Variants in PALLD observed in about 807,000 individuals in gnomAD.
The protein encoded by PALLD is palladin, cytoskeletal associated protein, also known as palladin.
PALLD carries 61 observed loss-of-function variants against 123.5 expected under a neutral mutation model. The observed-to-expected ratio is 0.49, with a 90% CI of 0.40 to 0.61. The LOEUF is 0.61. Ranked by LOEUF, PALLD falls within the 20% of genes least tolerant of loss-of-function variation. PALLD has a pLI of 0.00. For synonymous variants in PALLD, 465 were observed against 496.4 expected (o/e 0.94, Z 0.84); for missense variants, 1,273 against 1,377.0 (o/e 0.92, Z 1.20).
intron 3 of PALLD, among the ~76,000 whole-genome samples, chr4:168,676,129 A>G (rs1053532305): frequency 2.0e-5 from 3 of 152,082 alleles, no homozygotes; most frequent in Non-Finnish European, 2.9e-5. Context: ...TATCTTTCCA[A>G]TTTTTTCCTA....
At chr4:168,754,192 T>G (rs977354566) in intron 10 of PALLD, among the ~76,000 whole-genome samples, 1 of 152,234 alleles carries the variant, frequency 6.6e-6, no homozygotes, top group African/African-American at 2.4e-5. Flanking sequence ...ACAAAACCTA[T>G]AAGAAATCAC....
rs191253665 is a variant in PALLD at position 168,565,276 on chromosome 4, A to C, written c.908+52864A>C. 2.6e-5 allele frequency among the ~76,000 whole-genome samples: 4 copies of C among 152,170 alleles called. No homozygotes were observed. The East Asian group carries it at 7.7e-4, about 29-fold the overall frequency. ...ACTTACATTCATTAAACAAATATTC[A>C]TTGAATGTTTATTATAGGCTAGATG... On this transcript the variant is annotated intron_variant, in intron 2 of 21. Transcript: ENST00000505667.
intron 10 of PALLD, among the ~76,000 whole-genome samples, chr4:168,791,326 C>T (rs543868358): frequency 3.8e-4 from 58 of 152,320 alleles, no homozygotes; most frequent in African/African-American, 1.1e-3. Flanking sequence ...CCCTGTATTA[C>T]TCTGTTTTCA....
chr4:168,657,953 T>A (rs1431350352), intron 2 of PALLD, among the ~76,000 whole-genome samples: 4 of 152,092 alleles, frequency 2.6e-5, no homozygotes, highest in African/African-American at 9.7e-5. Flanking sequence ...CGGGAGCCCC[T>A]CTGTCTCAAA....
intron 2 of PALLD, among the ~76,000 whole-genome samples, chr4:168,559,611 C>T (rs1767656872): frequency 1.3e-5 from 2 of 152,110 alleles, no homozygotes; most frequent in African/African-American, 4.8e-5. Context: ...GAAAGCAATA[C>T]ATAGGCTGGG....
chr4:168,916,915 C>T (rs1460303457), intron 17 of PALLD, among the ~76,000 whole-genome samples: 3 of 151,956 alleles, frequency 2.0e-5, no homozygotes, highest in Admixed American at 2.0e-4. Flanking sequence ...ATGATCCGCC[C>T]ACCTCAGCCT....
intron 10 of PALLD, among the ~76,000 whole-genome samples, chr4:168,713,284 C>A (rs907609969): frequency 7.2e-5 from 11 of 152,110 alleles, no homozygotes; most frequent in African/African-American, 2.7e-4. Context: ...AAAATGGTGT[C>A]CTTAAAAGAG....
chr4:168,868,786 C>T (rs1024640927), intron 10 of PALLD, among the ~76,000 whole-genome samples: 3 of 152,144 alleles, frequency 2.0e-5, no homozygotes, highest in African/African-American at 7.2e-5. Context: ...ACTTTGTTAT[C>T]TCAGGATACA....
chr4:168,835,629 T>A (rs1333580770), intron 10 of PALLD, among the ~76,000 whole-genome samples: 3 of 134,004 alleles, frequency 2.2e-5, no homozygotes, highest in Admixed American at 7.3e-5. Context: ...AGCTCTGTTA[T>A]CAAATTTTAA....
intron 10 of PALLD, among the ~76,000 whole-genome samples, chr4:168,725,317 A>C (rs1192390603): frequency 6.6e-6 from 1 of 152,216 alleles, no homozygotes; most frequent in Admixed American, 6.5e-5. Flanking sequence ...AATTGCCATT[A>C]AATGAGTAAG....
intron 5 of PALLD, among the ~76,000 whole-genome samples, chr4:168,683,703 T>C (rs1461820326): frequency 6.6e-6 from 1 of 152,116 alleles, no homozygotes; most frequent in Non-Finnish European, 1.5e-5. Context: ...AACCATTACA[T>C]CTGGATGTCT....
At chr4:168,920,337 A>G (rs2126451635) in intron 17 of PALLD, among the ~76,000 whole-genome samples, 1 of 152,328 alleles carries the variant, frequency 6.6e-6, no homozygotes, top group African/African-American at 2.4e-5. Context: ...GCCCTTTGCT[A>G]CATGTGTGGT....
At chr4:168,682,196 AAAAAT>A (rs1781614779) in intron 4 of PALLD, among the ~76,000 whole-genome samples, 1 of 152,236 alleles carries the variant, frequency 6.6e-6, no homozygotes, top group South Asian at 2.1e-4. Context: ...ATTATTTGGC[AAAAAT>A]AAAATCTACC....
chr4:168,670,662 A>G (rs1278521792), intron 3 of PALLD, among the ~76,000 whole-genome samples: 3 of 148,772 alleles, frequency 2.0e-5, no homozygotes, highest in African/African-American at 5.0e-5. Flanking sequence ...GAACCCGGGA[A>G]GCGGAGCTTG....
rs905769603 is a variant in PALLD, at chr4:168,600,032, T to C, written c.909-68158T>C. ...ATACATACATGTGTGTACACACACA[T>C]ACATACATGTGTATACACACATATA... On this transcript the variant is annotated intron_variant, in intron 2 of 21. Transcript: ENST00000505667. Among the ~76,000 whole-genome samples the C allele has an allele frequency of 8.1e-5, 10 of 123,672 alleles. No individual in the cohort carries two copies. The East Asian group carries it at 8.6e-4, about 11-fold the overall frequency. 81.1% of individuals were successfully genotyped at this position (123,672 alleles called of 152,430 possible).
At chr4:168,611,372 GA>G (rs1177715495) in intron 2 of PALLD, among the ~76,000 whole-genome samples, 1 of 152,130 alleles carries the variant, frequency 6.6e-6, no homozygotes, top group Non-Finnish European at 1.5e-5. Flanking sequence ...GAACTGAATC[GA>G]TTGTCTCTGA....
intron 3 of PALLD, among the ~76,000 whole-genome samples, chr4:168,677,527 GA>G (rs913584838): frequency 6.6e-6 from 1 of 152,086 alleles, no homozygotes; most frequent in African/African-American, 2.4e-5. Context: ...TTTAATGATT[GA>G]AACATTTTGA....
intron 2 of PALLD, among the ~76,000 whole-genome samples, chr4:168,565,299 A>C (rs767130261): frequency 2.2e-4 from 33 of 152,122 alleles, no homozygotes; most frequent in Non-Finnish European, 3.8e-4. Flanking sequence ...TATAGGCTAG[A>C]TGTTTCAGTA....
intron 2 of PALLD, among the ~76,000 whole-genome samples, chr4:168,587,277 G>A (rs11935367): frequency 0.27 from 40,553 of 152,138 alleles, 5,503 homozygotes; most frequent in East Asian, 0.38. Context: ...TCAATCCCCA[G>A]TGGAGACATT....
Sources: allele counts gnomAD v4.1 joint callset (sites outside exome capture counted in the v4.1 genomes callset), GRCh38; gene constraint gnomAD v4.1.1; transcripts MANE v1.5; gene names NCBI Gene and HGNC (gene_info 2026-07-23, HGNC 2026-07-21).